Variants in CEP95 observed in about 807,000 individuals in gnomAD.
CEP95 encodes centrosomal protein of 95 kDa.
In CEP95, 98 loss-of-function variants were observed where a neutral mutation model predicts 111.2. That is an observed-to-expected ratio of 0.88 (90% CI 0.75 to 1.04). The LOEUF (loss-of-function observed/expected upper bound fraction) is 1.04, where lower values mean the gene tolerates loss of function less well. Ranked by LOEUF, CEP95 falls within the 50% of genes least tolerant of loss-of-function variation. CEP95 has a pLI of 0.00. For missense variants in CEP95, 1,027 were observed against 977.2 expected, an observed-to-expected ratio of 1.05 and a Z score of -0.68; for synonymous variants, 323 against 327.1, an observed-to-expected ratio of 0.99 and a Z score of 0.14.
At position 64,529,331 on chromosome 17, in the gene CEP95, C is replaced by G. The variant is rs1968096570; in HGVS notation, c.1350C>G (p.Leu450=). The change falls in exon 12 of 20, where the codon CTC becomes CTG. Residue 450 remains leucine (L), a synonymous_variant. Transcript: ENST00000556440. The part of the protein sequence containing the change: ...RRKPPYRSHS[L]SPSPVNKHKQ... ...AGCCACCCTACAGATCCCATTCGCT[C>G]TCTCCATCTCCAGTTAACAAACACA... 6.8e-6 allele frequency: 11 copies of G among 1,613,696 alleles called. No homozygotes were observed. The highest frequency in any genetic ancestry group is 9.3e-6 in the Non-Finnish European group (11 of 1,179,814).
At chr17:64,509,951 A>G (rs2038803137) in intron 2 of CEP95, among the ~76,000 whole-genome samples, 1 of 152,130 alleles carries the variant, frequency 6.6e-6, no homozygotes, top group African/African-American at 2.4e-5. Context: ...GTATTCAACC[A>G]GTCTAATATT....
chr17:64,527,858 G>GTT (rs1159371675), intron 11 of CEP95, among the ~76,000 whole-genome samples: 1 of 128,852 alleles, frequency 7.8e-6, no homozygotes. Flanking sequence ...CTTAATGTGT[G>GTT]TGTGTGTGTG....
chr17:64,515,182 G>T (rs1175095106), intron 4 of CEP95, among the ~76,000 whole-genome samples: 2 of 152,242 alleles, frequency 1.3e-5, no homozygotes, highest in East Asian at 1.9e-4. Context: ...TAGGCGTCTG[G>T]GTACTCTGGG....
At chr17:64,527,891 T>TAC (rs374252937) in intron 11 of CEP95, among the ~76,000 whole-genome samples, 30,262 of 141,002 alleles carry the variant, frequency 0.21, 3,849 homozygotes, top group South Asian at 0.4. Flanking sequence ...TATATATATA[T>TAC]ACACACACAC....
At chr17:64,526,669 TA>T (rs1182671542) in intron 10 of CEP95, among the ~76,000 whole-genome samples, 2 of 152,202 alleles carry the variant, frequency 1.3e-5, no homozygotes, top group Admixed American at 6.5e-5. Context: ...TTTTTAAAAC[TA>T]AACATGTATG....
chr17:64,525,586 C>T (rs1331558198), intron 8 of CEP95, among the ~76,000 whole-genome samples, 184 bp from the exon 9 acceptor site: 6 of 152,188 alleles, frequency 3.9e-5, no homozygotes, highest in Non-Finnish European at 8.8e-5. Context: ...GCACAAGTTT[C>T]TAGACATTGC....
At chr17:64,514,145 A>AT (rs2039025198) in intron 3 of CEP95, 103 bp from the exon 4 acceptor site, 1 of 540,690 alleles carries the variant, frequency 1.8e-6, no homozygotes, top group Non-Finnish European at 3.4e-6. Flanking sequence ...TATCGCCTGT[A>AT]TTCTTAAATA....
chr17:64,537,319 A>G lies in CEP95; in HGVS notation c.2289+207A>G, dbSNP rs1355957270. 2.1e-6 allele frequency: 3 copies of G among 1,406,430 alleles called. No homozygotes were observed. In the Admixed American group the frequency reaches 9.5e-5, roughly 45 times the overall value. The allele number at this position is 1,406,430 out of a possible 1,614,324, so 87.1% of individuals were successfully genotyped here. On this transcript the variant is annotated intron_variant, in intron 19 of 19. Coordinates refer to ENST00000556440, the MANE Select transcript of CEP95 (RefSeq NM_138363.3). ...GATGCATTTCTTGGAACATATCTCC[A>G]TCATTAAGTGACACATGACTAATTT... is the stretch of plus-strand genomic sequence containing the variant.
chr17:64,516,052 A>C (rs1555676253), intron 4 of CEP95: 1 of 152,202 alleles, frequency 6.6e-6, no homozygotes, highest in African/African-American at 2.4e-5. Context: ...CCTAGCTCAG[A>C]GTAAATGCAT....
At position 64,529,322 on chromosome 17, in the gene CEP95, C is replaced by G. The variant is rs782334110; in HGVS notation, c.1341C>G (p.Ser447=). The G allele has an allele frequency of 6.2e-7, 1 of 1,613,750 alleles. No individual in the cohort carries two copies. Among genetic ancestry groups the G allele is most frequent in the Admixed American group, 1.7e-5 (1 of 59,992 alleles). ...TGCGTAGAAAGCCACCCTACAGATC[C>G]CATTCGCTCTCTCCATCTCCAGTTA... ...LSMRRKPPYR[S]HSLSPSPVNK... Residue 447 remains serine (S), a synonymous_variant, in exon 12 of 20, where the codon TCC becomes TCG. Coordinates refer to ENST00000556440, the MANE Select transcript of CEP95 (RefSeq NM_138363.3).
At chr17:64,507,803 T>C in intron 1 of CEP95, 1 of 985,466 alleles carries the variant, frequency 1.0e-6, no homozygotes, top group Non-Finnish European at 1.2e-6. Context: ...ATAGTGGAGA[T>C]GTTTGTTTCT....
At chr17:64,516,998 A>G (rs1295717447) in intron 5 of CEP95, among the ~76,000 whole-genome samples, 170 bp downstream of exon 5, 1 of 152,194 alleles carries the variant, frequency 6.6e-6, no homozygotes, top group African/African-American at 2.4e-5. Context: ...CTTGAGTTAC[A>G]TATAATACCT....
In CEP95 at chr17:64,531,573, A is replaced by G. The variant is rs532596076; in HGVS notation, c.1540-317A>G. The stretch of plus-strand genomic sequence containing the variant: ...AATCTACATGGAAAAAGAGAAGTAC[A>G]TTGAAACATTAATGGTTAAAAAAAA... On this transcript the variant is annotated intron_variant, in intron 13 of 19. Coordinates refer to ENST00000556440, the MANE Select transcript of CEP95 (RefSeq NM_138363.3). Among the ~76,000 whole-genome samples the G allele has an allele frequency of 5.3e-5, 8 of 152,320 alleles. 1 individual carries two copies. Among genetic ancestry groups the G allele is most frequent in the African/African-American group, 9.6e-5 (4 of 41,566 alleles).
rs370442455 is a variant in CEP95, at chr17:64,519,535, C to T, written c.589+99C>T. 5.0e-4 allele frequency: 405 copies of T among 808,204 alleles called. 1 individual carries two copies. Among genetic ancestry groups the T allele is most frequent in the African/African-American group, 2.9e-3 (169 of 58,912 alleles). 50.1% of individuals were successfully genotyped at this position (808,204 alleles called of 1,614,324 possible). ...GTTTAAAATTGAGAAGAATAGAGTGCTAACTGGACATGGGATTTGAAATTC... is the reference window on the plus strand; with the variant it reads ...GTTTAAAATTGAGAAGAATAGAGTGTTAACTGGACATGGGATTTGAAATTC... On this transcript the variant is annotated intron_variant, in intron 6 of 19. Transcript: ENST00000556440.
intron 2 of CEP95, 50 bp from the exon 3 acceptor site, chr17:64,510,123 A>G: frequency 9.9e-7 from 1 of 1,009,572 alleles, no homozygotes; most frequent in Non-Finnish European, 1.5e-6. Flanking sequence ...AATGAGATGA[A>G]AACTTGGCCT....
chr17:64,529,345 T>G lies in CEP95; in HGVS notation c.1364T>G (p.Val455Gly). ...YRSHSLSPSP[V>G]NKHKQFHLER... ...TCCCATTCGCTCTCTCCATCTCCAG[T>G]TAACAAACACAAACAGTTCCACTTG... The change falls in exon 12 of 20, where the codon GTT (valine) becomes GGT (glycine). Residue 455 changes from valine to glycine, a missense_variant. Coordinates refer to ENST00000556440, the MANE Select transcript of CEP95 (RefSeq NM_138363.3). 6.2e-7 allele frequency: 1 copy of G among 1,613,840 alleles called. No homozygotes were observed.
At chr17:64,520,011 C>G (rs1967193017) in intron 6 of CEP95, among the ~76,000 whole-genome samples, 1 of 152,204 alleles carries the variant, frequency 6.6e-6, no homozygotes, top group South Asian at 2.1e-4. Context: ...TTCTCCCTTA[C>G]TTTTGGTTCC....
intron 11 of CEP95, among the ~76,000 whole-genome samples, chr17:64,527,877 T>C (rs1303665031): frequency 7.1e-6 from 1 of 141,522 alleles, no homozygotes; most frequent in African/African-American, 2.5e-5. Context: ...TGTGTATATA[T>C]ATATATATAT....
In CEP95 at chr17:64,507,002, C is replaced by A; in HGVS notation, c.-96C>A. ...CTTCCCCGCGCTTTGGTTCGTGCGT[C>A]CGCGCCCCAGTGTCGGGTCTGCGTG... On this transcript the variant is annotated 5_prime_UTR_variant, in exon 1 of 20. Transcript: ENST00000556440. 1.4e-6 allele frequency: 2 copies of A among 1,432,190 alleles called. No individual in the cohort carries two copies. The highest frequency in any genetic ancestry group is 2.5e-5 in the East Asian group (1 of 40,382). The allele number at this position is 1,432,190 out of a possible 1,614,324, so 88.7% of individuals were successfully genotyped here. A position where few individuals can be genotyped will look rare whatever the true frequency, so the allele number is the denominator to read the frequency against.
Sources: gnomAD v4.1 joint callset for allele counts (sites outside exome capture counted in the v4.1 genomes callset) on GRCh38, gnomAD v4.1.1 for gene constraint, MANE v1.5 for transcripts, NCBI Gene and HGNC (gene_info 2026-07-23, HGNC 2026-07-21) for gene names.